ADGRL4: variants seen among roughly 807,000 people sequenced by gnomAD.
ADGRL4 encodes the protein EGF, latrophilin and seven transmembrane domain containing 1.
Under a neutral mutation model 74.8 loss-of-function variants are expected in ADGRL4, and 90 were observed. That is an observed-to-expected ratio of 1.20 (90% CI 1.02 to 1.43). The LOEUF (loss-of-function observed/expected upper bound fraction) is 1.43, where lower values mean the gene tolerates loss of function less well. ADGRL4 is among the 40% of genes most tolerant of loss of function. ADGRL4 has a pLI of 0.00. For missense variants in ADGRL4, 881 were observed against 814.3 expected (o/e 1.08, Z -1.00); for synonymous variants, 311 against 279.2 (o/e 1.11, Z -1.14).
At chr1:78,989,441 T>A (rs984144458) in intron 2 of ADGRL4, among the ~76,000 whole-genome samples, 16 of 151,972 alleles carry the variant, frequency 1.1e-4, no homozygotes, top group African/African-American at 3.6e-4. Flanking sequence ...GAACGCTTAC[T>A]TTCTTACTTT....
At chr1:78,924,600 T>C (rs1649074813) in intron 8 of ADGRL4, among the ~76,000 whole-genome samples, 1 of 152,048 alleles carries the variant, frequency 6.6e-6, no homozygotes. Context: ...AACTGGCTGA[T>C]AGATAAGCTT....
intron 2 of ADGRL4, among the ~76,000 whole-genome samples, chr1:78,953,959 C>T (rs748879691): frequency 1.1e-4 from 17 of 152,218 alleles, no homozygotes; most frequent in Non-Finnish European, 1.2e-4. Context: ...ACTAGCCTGG[C>T]CAACATGGTG....
chr1:79,003,714 T>C (rs1471562069), intron 2 of ADGRL4, among the ~76,000 whole-genome samples: 1 of 152,014 alleles, frequency 6.6e-6, no homozygotes, highest in African/African-American at 2.4e-5. Context: ...GAAAAGTATC[T>C]AAATAACAAA....
chr1:78,943,551 C>T (rs180786093), intron 3 of ADGRL4, among the ~76,000 whole-genome samples: 29 of 152,240 alleles, frequency 1.9e-4, no homozygotes, highest in Non-Finnish European at 3.4e-4. Flanking sequence ...CAAAGTCTTC[C>T]ATTTTTTATT....
At chr1:78,983,195 G>A (rs1412756583) in intron 2 of ADGRL4, among the ~76,000 whole-genome samples, 1 of 151,728 alleles carries the variant, frequency 6.6e-6, no homozygotes, top group Non-Finnish European at 1.5e-5. Flanking sequence ...CACACATAAG[G>A]AGTGCCAAAA....
chr1:78,908,510 C>A (rs564275771), intron 12 of ADGRL4, among the ~76,000 whole-genome samples: 1 of 152,000 alleles, frequency 6.6e-6, no homozygotes, highest in Non-Finnish European at 1.5e-5. Context: ...AGTAAAACAT[C>A]ATTTTTTATG....
chr1:79,003,013 G>A (rs901561539), intron 2 of ADGRL4, among the ~76,000 whole-genome samples: 4 of 151,884 alleles, frequency 2.6e-5, no homozygotes, highest in Non-Finnish European at 5.9e-5. Flanking sequence ...TGATAATGGC[G>A]ATATTGAGGA....
intron 8 of ADGRL4, among the ~76,000 whole-genome samples, 200 bp from the exon 9 acceptor site, chr1:78,921,986 C>A (rs1458774117): frequency 1.3e-5 from 2 of 151,938 alleles, no homozygotes; most frequent in African/African-American, 4.8e-5. Flanking sequence ...TTTTGTCTCA[C>A]AAACGTGTGG....
At chr1:78,972,395 G>T (rs767759400) in intron 2 of ADGRL4, among the ~76,000 whole-genome samples, 13 of 152,234 alleles carry the variant, frequency 8.5e-5, no homozygotes, top group Admixed American at 1.3e-4. Context: ...AAATATTACA[G>T]ATTTAAAAGG....
chr1:79,000,046 CT>C (rs1650810255), intron 2 of ADGRL4, among the ~76,000 whole-genome samples: 1 of 152,046 alleles, frequency 6.6e-6, no homozygotes, highest in Non-Finnish European at 1.5e-5. Context: ...CATTTTTATT[CT>C]TAAAATTAGA....
At chr1:78,923,290 T>C (rs1649040027) in intron 8 of ADGRL4, among the ~76,000 whole-genome samples, 1 of 151,936 alleles carries the variant, frequency 6.6e-6, no homozygotes, top group Non-Finnish European at 1.5e-5. Flanking sequence ...CTACCACATT[T>C]TCTTAATTTT....
chr1:78,919,621 C>T (rs926665866), intron 10 of ADGRL4, among the ~76,000 whole-genome samples: 3 of 151,904 alleles, frequency 2.0e-5, no homozygotes, highest in African/African-American at 7.2e-5. Flanking sequence ...TTTGCTCTCC[C>T]CAGCAATTCT....
chr1:78,952,086 A>T (rs1649736791), intron 2 of ADGRL4, among the ~76,000 whole-genome samples: 1 of 151,916 alleles, frequency 6.6e-6, no homozygotes, highest in South Asian at 2.1e-4. Flanking sequence ...AAAAATAAAA[A>T]GAAAAAAGAA....
chr1:78,905,497 T>C (rs1276359065), intron 12 of ADGRL4, among the ~76,000 whole-genome samples: 1 of 151,912 alleles, frequency 6.6e-6, no homozygotes, highest in African/African-American at 2.4e-5. Flanking sequence ...AAAATAACAA[T>C]TTGAGGTTTT....
chr1:78,896,283 T>G (rs1020672480), intron 12 of ADGRL4, among the ~76,000 whole-genome samples: 5 of 152,054 alleles, frequency 3.3e-5, no homozygotes, highest in East Asian at 1.9e-4. Flanking sequence ...CTGATTAAAT[T>G]CTAGTTTAAA....
At chr1:78,896,651 T>C (rs1648406180) in intron 12 of ADGRL4, among the ~76,000 whole-genome samples, 1 of 152,108 alleles carries the variant, frequency 6.6e-6, no homozygotes, top group Non-Finnish European at 1.5e-5. Flanking sequence ...AACCTCCTAA[T>C]TGATCTCTCT....
chr1:78,910,509 A>G (rs1288261060), intron 12 of ADGRL4, among the ~76,000 whole-genome samples: 3 of 151,838 alleles, frequency 2.0e-5, no homozygotes, highest in Non-Finnish European at 4.4e-5. Flanking sequence ...CTTAATTAGT[A>G]TTTGCCTCAA....
rs1426981277 is a variant in ADGRL4 at position 78,999,839 on chromosome 1, T to TCTATCTATCTATCTAC, written c.172+5230_172+5231insGTAGATAGATAGATAG. ...ATCTATCTATCTATCTATCTATCTA[T>TCTATCTATCTATCTAC]CTACCTACCTACCTACCTATCAACT... is the stretch of plus-strand genomic sequence containing the variant. On this transcript the variant is annotated intron_variant, in intron 2 of 14. Transcript: ENST00000370742. 8.1e-4 allele frequency among the ~76,000 whole-genome samples: 91 copies of TCTATCTATCTATCTAC among 111,662 alleles called. 2 individuals carry two copies. Among genetic ancestry groups the TCTATCTATCTATCTAC allele is most frequent in the East Asian group, 1.1e-3 (4 of 3,482 alleles). 73.3% of individuals were successfully genotyped at this position (111,662 alleles called of 152,430 possible).
chr1:78,987,760 A>G (rs550240340), intron 2 of ADGRL4, among the ~76,000 whole-genome samples: 1 of 151,778 alleles, frequency 6.6e-6, no homozygotes, highest in East Asian at 1.9e-4. Flanking sequence ...TCAATATTGC[A>G]TGACTCTTAT....
Sources: allele counts gnomAD v4.1 joint callset (sites outside exome capture counted in the v4.1 genomes callset), GRCh38; gene constraint gnomAD v4.1.1; transcripts MANE v1.5; gene names NCBI Gene and HGNC (gene_info 2026-07-23, HGNC 2026-07-21).